MGAT5B: variants seen among roughly 807,000 people sequenced by gnomAD.
MGAT5B encodes the protein alpha-1,6-mannosylglycoprotein 6-beta-N-acetylglucosaminyltransferase B.
MGAT5B carries 54 observed loss-of-function variants against 95.1 expected under a neutral mutation model. That is an observed-to-expected ratio of 0.57 (90% CI 0.46 to 0.71). MGAT5B has a LOEUF of 0.71. Among genes scored for constraint, MGAT5B ranks in the 30% least tolerant of loss-of-function variants. MGAT5B has a pLI of 0.00. For missense variants in MGAT5B, 935 were observed against 1,088.6 expected (o/e 0.86, Z 1.99); for synonymous variants, 464 against 451.0 (o/e 1.03, Z -0.36).
chr17:76,904,361 C>A lies in MGAT5B; in HGVS notation c.629C>A (p.Pro210Gln). ...YLSEVEWFCP[P>Q]LPWRNQTAAQ... ...AGTGAGGTCGAGTGGTTCTGCCCCC[C>A]GCTGCCCTGGAGGAACCAGACGGCT... The change falls in exon 6 of 18, where the codon CCG (proline) becomes CAG (glutamine). Residue 210 changes from proline to glutamine, a missense_variant. By Grantham distance (76) the Pro-to-Gln change is moderately conservative. Coordinates refer to ENST00000569840, the MANE Select transcript of MGAT5B (RefSeq NM_001199172.2). The A allele has an allele frequency of 6.3e-7, 1 of 1,586,324 alleles. No homozygotes were observed. The highest frequency in any genetic ancestry group is 1.1e-5 in the South Asian group (1 of 86,968).
chr17:76,929,369 C>G (rs80245056), intron 10 of MGAT5B, among the ~76,000 whole-genome samples: 27,571 of 152,126 alleles, frequency 0.18, 2,791 homozygotes, highest in East Asian at 0.42. Context: ...TTCAAAACCT[C>G]AAGTGAAATG....
intron 17 of MGAT5B, 135 bp from the exon 18 acceptor site, chr17:76,948,502 TTTC>T (rs1970105547): frequency 7.4e-6 from 7 of 940,164 alleles, no homozygotes; most frequent in South Asian, 1.7e-5. Context: ...CCGTAACACA[TTTC>T]CTTACCCAGG....
chr17:76,935,714 T>C (rs2145263928), intron 12 of MGAT5B, among the ~76,000 whole-genome samples: 1 of 147,414 alleles, frequency 6.8e-6, no homozygotes, highest in East Asian at 1.9e-4. Flanking sequence ...TTATATATCC[T>C]GGATCCAAGT....
intron 9 of MGAT5B, among the ~76,000 whole-genome samples, chr17:76,925,895 C>T (rs569880327): frequency 6.6e-6 from 1 of 152,296 alleles, no homozygotes; most frequent in South Asian, 2.1e-4. Context: ...GGCTCTGGGG[C>T]TGTGGCCCAT....
In MGAT5B at chr17:76,869,195, G is replaced by T; in HGVS notation, c.68+98G>T. ...AACGTTCAAGTCCTGGTGGCAGAGG[G>T]GGCGGTTCACACTTCAACCCCTGGT... On this transcript the variant is annotated intron_variant, in intron 1 of 17. Transcript: ENST00000569840. The surrounding 1 kb of genome is among the most constrained non-coding windows in gnomAD (Gnocchi z 7.0). The T allele has an allele frequency of 1.8e-6, 2 of 1,115,082 alleles. No individual in the cohort carries two copies. Among genetic ancestry groups the T allele is most frequent in the Non-Finnish European group, 2.7e-6 (2 of 730,210 alleles). The allele number at this position is 1,115,082 out of a possible 1,614,324, so 69.1% of individuals were successfully genotyped here.
At chr17:76,878,867 C>T (rs535930059) in intron 2 of MGAT5B, among the ~76,000 whole-genome samples, 171 of 152,230 alleles carry the variant, frequency 1.1e-3, no homozygotes, top group African/African-American at 3.5e-3. Context: ...GAAGTCAGGG[C>T]GATAGAGACT....
At chr17:76,882,728 T>G (rs638913) in intron 3 of MGAT5B, among the ~76,000 whole-genome samples, 42,709 of 132,056 alleles carry the variant, frequency 0.32, 8,046 homozygotes, top group African/African-American at 0.54. Flanking sequence ...TTTTTTTTTT[T>G]GACACAGAGC....
chr17:76,929,780 T>C (rs1969424847), intron 10 of MGAT5B, among the ~76,000 whole-genome samples: 1 of 152,214 alleles, frequency 6.6e-6, no homozygotes, highest in South Asian at 2.1e-4. Flanking sequence ...CTGCCTCTCC[T>C]GGCCTTACCC....
intron 8 of MGAT5B, among the ~76,000 whole-genome samples, chr17:76,923,380 G>GACCC (rs2145232782): frequency 7.6e-6 from 1 of 132,156 alleles, no homozygotes; most frequent in Admixed American, 7.2e-5. Flanking sequence ...GCCTCCTGCA[G>GACCC]AGCTGGCTGG....
At position 76,915,872 on chromosome 17, in the gene MGAT5B, C is replaced by G. The variant is rs569574465; in HGVS notation, c.1026-9094C>G. On this transcript the variant is annotated intron_variant, in intron 8 of 17. Transcript: ENST00000569840. The surrounding 1 kb of genome is among the most constrained non-coding windows in gnomAD (Gnocchi z 8.7). Reference sequence around the variant, plus strand: ...TGAGCGGGGAGCGAGCGCAGGAGCACACATCCCAGCGGAGAGGCCTGGCAG... The same window carrying G: ...TGAGCGGGGAGCGAGCGCAGGAGCAGACATCCCAGCGGAGAGGCCTGGCAG... Among the ~76,000 whole-genome samples the G allele has an allele frequency of 1.8e-4, 28 of 152,344 alleles. No individual in the cohort carries two copies. Among genetic ancestry groups the G allele is most frequent in the African/African-American group, 6.5e-4 (27 of 41,586 alleles).
rs759692263 is a variant in MGAT5B, at chr17:76,906,590, AG to A, written c.1025+404del. On this transcript the variant is annotated intron_variant, in intron 8 of 17. Transcript: ENST00000569840. The surrounding 1 kb of genome is among the most constrained non-coding windows in gnomAD (Gnocchi z 4.6). ...GGGTCTACTTTAGGGTCTGGAGACCAGTAAGACATGGAGGATGAAGGGGCGT... is the reference window on the plus strand; with the variant it reads ...GGGTCTACTTTAGGGTCTGGAGACCATAAGACATGGAGGATGAAGGGGCGT... 2.0e-4 allele frequency among the ~76,000 whole-genome samples: 30 copies of A among 152,268 alleles called. No homozygotes were observed. The highest frequency in any genetic ancestry group is 3.7e-4 in the Non-Finnish European group (25 of 68,022).
chr17:76,947,782 A>AC, intron 16 of MGAT5B, 48 bp from the exon 17 acceptor site: 11 of 1,498,918 alleles, frequency 7.3e-6, no homozygotes, highest in Non-Finnish European at 9.8e-6. Flanking sequence ...TCTCCCAGGC[A>AC]CACCTGGGTC....
intron 8 of MGAT5B, among the ~76,000 whole-genome samples, chr17:76,907,340 C>T (rs1224724224): frequency 2.6e-5 from 4 of 152,300 alleles, no homozygotes; most frequent in African/African-American, 7.2e-5. Flanking sequence ...CATGAGCCAC[C>T]GCACCCAGCC....
intron 5 of MGAT5B, 40 bp from the exon 6 acceptor site, chr17:76,904,212 G>A (rs1339249426): frequency 6.4e-7 from 1 of 1,566,748 alleles, no homozygotes; most frequent in East Asian, 2.3e-5. Flanking sequence ...GGGTCAGTGG[G>A]GCTGGCGCAG....
At position 76,870,455 on chromosome 17, in the gene MGAT5B, G is replaced by T. The variant is rs1966969285; in HGVS notation, c.68+1358G>T. On this transcript the variant is annotated intron_variant, in intron 1 of 17. Transcript: ENST00000569840. This position sits in a 1 kb window ranked among gnomAD's most constrained non-coding sequence, Gnocchi z 5.0. ...GGCCTTGAATCCCTGGCCTGACTGG[G>T]AACGCTGGAGGGTCCTCGCCCCTTC... Among the ~76,000 whole-genome samples, 1 of 145,192 alleles carries T rather than the reference G, an allele frequency of 6.9e-6. No homozygotes were observed. The highest frequency in any genetic ancestry group is 6.9e-5 in the Admixed American group (1 of 14,428).
At chr17:76,939,032 GTGTGTGTGTGTGTGT>G (rs1969776100) in intron 13 of MGAT5B, among the ~76,000 whole-genome samples, 1 of 49,980 alleles carries the variant, frequency 2.0e-5, no homozygotes, top group Admixed American at 1.6e-4. Context: ...TCTTGGGGGT[GTGTGTGTGTGTGTGT>G]GTGTGTGTGT....
chr17:76,893,151 C>T (rs1967940260), intron 3 of MGAT5B, among the ~76,000 whole-genome samples: 1 of 152,056 alleles, frequency 6.6e-6, no homozygotes, highest in Non-Finnish European at 1.5e-5. Flanking sequence ...CTTTGATGTA[C>T]CCCAGGGTCA....
At chr17:76,890,502 A>G (rs777965619) in intron 3 of MGAT5B, among the ~76,000 whole-genome samples, 5 of 152,080 alleles carry the variant, frequency 3.3e-5, no homozygotes, top group African/African-American at 4.8e-5. Context: ...GACAACAGAC[A>G]TTTCTTTCTT....
intron 15 of MGAT5B, among the ~76,000 whole-genome samples, chr17:76,944,943 G>A (rs1018393709): frequency 5.3e-5 from 8 of 152,318 alleles, no homozygotes; most frequent in Admixed American, 3.9e-4. Flanking sequence ...ACGGGAAAGC[G>A]GCCTCATTAG....
Sources: allele counts gnomAD v4.1 joint callset (sites outside exome capture counted in the v4.1 genomes callset), GRCh38; gene constraint gnomAD v4.1.1; non-coding constraint Gnocchi (gnomAD v3.1); transcripts MANE v1.5; gene names NCBI Gene and HGNC (gene_info 2026-07-23, HGNC 2026-07-21).